EPHA3: variants seen among roughly 807,000 people sequenced by gnomAD.
The protein encoded by EPHA3 is EPH receptor A3, also known as ephrin type-A receptor 3.
In EPHA3, 42 loss-of-function variants were observed where a neutral mutation model predicts 107.1. The ratio of observed to expected loss-of-function variants is 0.39; its 90% CI spans 0.31 to 0.51. The LOEUF (loss-of-function observed/expected upper bound fraction) is 0.51. EPHA3 is among the 20% of genes least tolerant of loss of function. The pLI, the probability that EPHA3 is intolerant of heterozygous loss-of-function variation, is 0.78. For missense variants in EPHA3, 1,183 were observed against 1,211.2 expected, an observed-to-expected ratio of 0.98 and a Z score of 0.35; for synonymous variants, 461 against 424.8, an observed-to-expected ratio of 1.09 and a Z score of -1.05.
chr3:89,368,986 G>A (rs559008646), intron 5 of EPHA3, among the ~76,000 whole-genome samples: 1 of 150,648 alleles, frequency 6.6e-6, no homozygotes, highest in South Asian at 2.1e-4. Context: ...GTTCACACTG[G>A]TGTTGCTGAC....
At chr3:89,399,107 T>C (rs529446872) in intron 6 of EPHA3, among the ~76,000 whole-genome samples, 1 of 151,066 alleles carries the variant, frequency 6.6e-6, no homozygotes, top group East Asian at 1.9e-4. Context: ...TCCAGCCTGG[T>C]GACAAAGCAA....
Position 89,352,391 on chromosome 3 carries a change from C to T in EPHA3, c.1306+10301C>T, listed in dbSNP as rs577719621. Reference sequence around the variant, plus strand: ...ATGTTGTCACTAATATAATTTTAAACAATTAATTATTTTTGACCTTTAAGA... The same window carrying T: ...ATGTTGTCACTAATATAATTTTAAATAATTAATTATTTTTGACCTTTAAGA... On this transcript the variant is annotated intron_variant, in intron 5 of 16. Coordinates refer to ENST00000336596, the MANE Select transcript of EPHA3 (RefSeq NM_005233.6). 1.4e-4 allele frequency among the ~76,000 whole-genome samples: 21 copies of T among 151,194 alleles called. No individual in the cohort carries two copies. The East Asian group carries it at 4.1e-3, about 29-fold the overall frequency.
At chr3:89,136,244 T>TTAAG (rs941629099) in intron 2 of EPHA3, among the ~76,000 whole-genome samples, 8 of 151,600 alleles carry the variant, frequency 5.3e-5, no homozygotes, top group African/African-American at 1.9e-4. Flanking sequence ...AAACTCTATT[T>TTAAG]TAAGTATGTC....
intron 5 of EPHA3, among the ~76,000 whole-genome samples, chr3:89,381,875 G>A (rs762322765): frequency 1.3e-5 from 2 of 152,018 alleles, no homozygotes; most frequent in Non-Finnish European, 2.9e-5. Context: ...CAAATCTGCT[G>A]GCACCTTCAT....
chr3:89,241,840 T>C (rs1429234575), intron 3 of EPHA3, among the ~76,000 whole-genome samples: 3 of 152,166 alleles, frequency 2.0e-5, no homozygotes, highest in Non-Finnish European at 4.4e-5. Flanking sequence ...AGAAAACATA[T>C]TTTAAGAAAT....
chr3:89,250,033 T>A (rs1442338120), intron 3 of EPHA3, among the ~76,000 whole-genome samples: 2 of 152,202 alleles, frequency 1.3e-5, no homozygotes, highest in African/African-American at 4.8e-5. Context: ...CCAAAAAATG[T>A]GGGGTCCTCC....
intron 3 of EPHA3, among the ~76,000 whole-genome samples, chr3:89,214,984 A>T (rs1010326837): frequency 2.0e-5 from 3 of 151,938 alleles, no homozygotes; most frequent in African/African-American, 7.2e-5. Context: ...TCCTTCTATA[A>T]AAGACGAGTT....
intron 3 of EPHA3, among the ~76,000 whole-genome samples, chr3:89,228,849 A>C (rs1034845713): frequency 6.6e-6 from 1 of 151,898 alleles, no homozygotes; most frequent in Non-Finnish European, 1.5e-5. Context: ...TTTCAGGCTG[A>C]AGTACATATA....
chr3:89,382,460 A>T (rs1168549358), intron 5 of EPHA3, among the ~76,000 whole-genome samples: 1 of 151,018 alleles, frequency 6.6e-6, no homozygotes, highest in Non-Finnish European at 1.5e-5. Flanking sequence ...ATGAGCTAAG[A>T]TCGCACCATT....
chr3:89,399,246 G>T (rs1487028275), intron 6 of EPHA3, 72 bp from the exon 7 acceptor site: 8 of 1,385,294 alleles, frequency 5.8e-6, no homozygotes, highest in African/African-American at 1.4e-5. Context: ...GGTTTGAGTG[G>T]TTCACTGTTT....
intron 15 of EPHA3, among the ~76,000 whole-genome samples, chr3:89,451,137 G>A (rs942236875): frequency 1.3e-5 from 2 of 152,196 alleles, no homozygotes; most frequent in African/African-American, 4.8e-5. Flanking sequence ...GATAAAGCCA[G>A]TGTCCCTGGA....
chr3:89,140,941 A>T (rs1021766423), intron 2 of EPHA3, among the ~76,000 whole-genome samples: 1 of 151,684 alleles, frequency 6.6e-6, no homozygotes, highest in African/African-American at 2.4e-5. Context: ...GCTATATACT[A>T]TTCCTAGTGC....
At chr3:89,185,099 A>G (rs1009565446) in intron 2 of EPHA3, among the ~76,000 whole-genome samples, 3 of 152,032 alleles carry the variant, frequency 2.0e-5, no homozygotes, top group Non-Finnish European at 4.4e-5. Flanking sequence ...GGGCACCTGT[A>G]ATCAAAGTAT....
intron 3 of EPHA3, among the ~76,000 whole-genome samples, chr3:89,272,675 G>A (rs1284639791): frequency 6.6e-6 from 1 of 151,888 alleles, no homozygotes; most frequent in African/African-American, 2.4e-5. Flanking sequence ...ACTTCTGTCT[G>A]ACGTGGCTTT....
At chr3:89,135,483 T>G (rs1162525670) in intron 2 of EPHA3, among the ~76,000 whole-genome samples, 1 of 152,168 alleles carries the variant, frequency 6.6e-6, no homozygotes, top group Non-Finnish European at 1.5e-5. Context: ...AATAAGAGCT[T>G]TCCCAAATAA....
intron 5 of EPHA3, among the ~76,000 whole-genome samples, chr3:89,362,902 T>A (rs1408914774): frequency 6.6e-6 from 1 of 151,026 alleles, no homozygotes; most frequent in African/African-American, 2.4e-5. Context: ...AAGATTATAG[T>A]CTGGTGTATG....
At chr3:89,474,779 A>C (rs1371895739) in intron 16 of EPHA3, among the ~76,000 whole-genome samples, 10 of 152,254 alleles carry the variant, frequency 6.6e-5, no homozygotes. Context: ...CATACTTTCC[A>C]AGTTAGCGAC....
In EPHA3 at chr3:89,345,602, ATTTCTTTTTTTTT is replaced by A. The variant is rs904481945; in HGVS notation, c.1306+3529_1306+3541del. Among the ~76,000 whole-genome samples, 8 of 131,638 alleles carry A rather than the reference ATTTCTTTTTTTTT, an allele frequency of 6.1e-5. No individual in the cohort carries two copies. The South Asian group carries it at 6.7e-4, about 11-fold the overall frequency. 86.4% of individuals were successfully genotyped at this position (131,638 alleles called of 152,430 possible). A position where few individuals can be genotyped will look rare whatever the true frequency, so the allele number is the denominator to read the frequency against. ...TTTCCTCCTGAACACTTCAGTGACA[ATTTCTTTTTTTTT>A]TTTCTTTTTTTTTTTTATACTTTAA... On this transcript the variant is annotated intron_variant, in intron 5 of 16. Coordinates refer to ENST00000336596, the MANE Select transcript of EPHA3 (RefSeq NM_005233.6).
At chr3:89,221,006 G>A (rs369777049) in intron 3 of EPHA3, among the ~76,000 whole-genome samples, 1 of 152,096 alleles carries the variant, frequency 6.6e-6, no homozygotes, top group Non-Finnish European at 1.5e-5. Flanking sequence ...GAAAAATCAG[G>A]CAATTGTCCA....
Sources: gnomAD v4.1 joint callset for allele counts (sites outside exome capture counted in the v4.1 genomes callset) on GRCh38, gnomAD v4.1.1 for gene constraint, MANE v1.5 for transcripts, NCBI Gene and HGNC (gene_info 2026-07-23, HGNC 2026-07-21) for gene names.